Variants in DUSP14 observed in about 807,000 individuals in gnomAD.
DUSP14 encodes dual specificity phosphatase 14.
DUSP14 carries 5 observed loss-of-function variants against 13.2 expected under a neutral mutation model. The observed-to-expected ratio is 0.38, with a 90% CI of 0.20 to 0.80. DUSP14 has a LOEUF of 0.80. DUSP14 is among the 30% of genes least tolerant of loss of function. The pLI is 0.44. For synonymous variants in DUSP14, 91 were observed against 103.4 expected (o/e 0.88, Z 0.73); for missense variants, 185 against 264.0 (o/e 0.70, Z 2.07).
chr17:37,491,663 T>C (rs2054029451), intron 1 of DUSP14: 1 of 152,226 alleles, frequency 6.6e-6, no homozygotes, highest in Non-Finnish European at 1.5e-5. Context: ...TAGAATGGCA[T>C]AAATGTATAT....
chr17:37,499,402 T>G (rs1201068464), intron 1 of DUSP14, among the ~76,000 whole-genome samples: 1 of 152,172 alleles, frequency 6.6e-6, no homozygotes, highest in Non-Finnish European at 1.5e-5. Context: ...TACAGTGGCA[T>G]GATCCTGGCT....
intron 1 of DUSP14, among the ~76,000 whole-genome samples, chr17:37,501,341 C>T (rs758099986): frequency 1.3e-5 from 2 of 152,158 alleles, no homozygotes; most frequent in Non-Finnish European, 2.9e-5. Flanking sequence ...TCTTGTTAAC[C>T]TGCTGGAGCC....
intron 1 of DUSP14, among the ~76,000 whole-genome samples, chr17:37,509,137 A>ATATATAATG (rs1568204463): frequency 1.1e-4 from 5 of 46,408 alleles, no homozygotes; most frequent in African/African-American, 1.1e-4. Flanking sequence ...ATACACACAC[A>ATATATAATG]CACACACACA....
chr17:37,503,888 G>T (rs1046883810), intron 1 of DUSP14, among the ~76,000 whole-genome samples: 2 of 152,072 alleles, frequency 1.3e-5, no homozygotes, highest in Non-Finnish European at 2.9e-5. Flanking sequence ...CCAGCAGCTG[G>T]CTAGTATCTT....
intron 2 of DUSP14, among the ~76,000 whole-genome samples, chr17:37,511,656 C>G (rs1201326575): frequency 4.3e-5 from 6 of 140,776 alleles, no homozygotes; most frequent in Non-Finnish European, 3.0e-5. Context: ...GGTGCAATCA[C>G]AGCTCACTGC....
chr17:37,502,966 G>A (rs548025687), intron 1 of DUSP14, among the ~76,000 whole-genome samples: 6 of 152,288 alleles, frequency 3.9e-5, no homozygotes, highest in African/African-American at 1.4e-4. Flanking sequence ...GAACTCCTGA[G>A]CTGAAGCGGT....
chr17:37,506,082 G>A (rs1378588355), intron 1 of DUSP14, among the ~76,000 whole-genome samples: 84 of 151,992 alleles, frequency 5.5e-4, no homozygotes, highest in Admixed American at 5.4e-3. Flanking sequence ...GAGCAACATG[G>A]CAAAACTCTG....
At chr17:37,498,817 A>G (rs969493863) in intron 1 of DUSP14, among the ~76,000 whole-genome samples, 1 of 152,136 alleles carries the variant, frequency 6.6e-6, no homozygotes, top group Non-Finnish European at 1.5e-5. Context: ...GGTACTTACT[A>G]GAAATGTGAA....
At chr17:37,490,629 T>C (rs2054021315) in intron 1 of DUSP14, among the ~76,000 whole-genome samples, 1 of 152,188 alleles carries the variant, frequency 6.6e-6, no homozygotes, top group African/African-American at 2.4e-5. Context: ...CCAGCCAGTG[T>C]TATGGTAACT....
intron 1 of DUSP14, among the ~76,000 whole-genome samples, chr17:37,499,493 C>T (rs1458575070): frequency 5.9e-5 from 9 of 152,056 alleles, no homozygotes; most frequent in Admixed American, 3.9e-4. Flanking sequence ...GTGTGAGCCA[C>T]CACACCCGAC....
Position 37,512,462 on chromosome 17 carries a change from C to A in DUSP14, c.190C>A (p.Pro64Thr). 6.2e-7 allele frequency: 1 copy of A among 1,614,184 alleles called. No individual in the cohort carries two copies. Among genetic ancestry groups the A allele is most frequent in the Admixed American group, 1.7e-5 (1 of 60,018 alleles). ...CATTGTTAATGCTACCATTGAGATC[C>A]CTAATTTCAACTGGCCCCAATTTGA... is the stretch of plus-strand genomic sequence containing the variant. ...TCIVNATIEI[P>T]NFNWPQFEYV... The change falls in exon 3 of 3, where the codon CCT (proline) becomes ACT (threonine). Residue 64 changes from proline to threonine, a missense_variant. Pro to Thr is a conservative substitution (Grantham distance 38). Transcript: ENST00000617516. The surrounding 1 kb of genome is among the most constrained non-coding windows in gnomAD (Gnocchi z 4.8).
At chr17:37,493,232 G>A (rs1359118000) in intron 1 of DUSP14, among the ~76,000 whole-genome samples, 2 of 152,052 alleles carry the variant, frequency 1.3e-5, no homozygotes, top group Non-Finnish European at 2.9e-5. Context: ...CAAAGTGCTG[G>A]GATTACAGGT....
Position 37,512,518 on chromosome 17 carries a change from G to T in DUSP14, c.246G>T (p.Pro82=). 1 of 1,614,132 alleles carries T rather than the reference G, an allele frequency of 6.2e-7. No individual in the cohort carries two copies. Among genetic ancestry groups the T allele is most frequent in the Non-Finnish European group, 8.5e-7 (1 of 1,180,030 alleles). Residue 82 remains proline (P), a synonymous_variant, in exon 3 of 3, where the codon CCG becomes CCT. Coordinates refer to ENST00000617516, the MANE Select transcript of DUSP14 (RefSeq NM_007026.4). The surrounding 1 kb of genome is among the most constrained non-coding windows in gnomAD (Gnocchi z 4.8). ...TTAAAGTGCCTCTGGCTGACATGCC[G>T]CATGCCCCCATTGGACTGTACTTTG... ...EYVKVPLADM[P]HAPIGLYFDT... is the part of the protein sequence containing the mutation.
intron 1 of DUSP14, among the ~76,000 whole-genome samples, chr17:37,504,770 A>G (rs566120235): frequency 1.0e-3 from 156 of 152,206 alleles, no homozygotes; most frequent in African/African-American, 3.6e-3. Context: ...TTGCAGAGAC[A>G]GGGTCTCATT....
chr17:37,494,154 C>T (rs954106436), intron 1 of DUSP14, among the ~76,000 whole-genome samples: 6 of 151,962 alleles, frequency 3.9e-5, no homozygotes, highest in African/African-American at 7.3e-5. Flanking sequence ...TCACCATGCC[C>T]GGCTAATTTT....
chr17:37,507,822 C>T (rs140291225), intron 1 of DUSP14, among the ~76,000 whole-genome samples: 11 of 152,218 alleles, frequency 7.2e-5, no homozygotes, highest in East Asian at 1.9e-4. Flanking sequence ...CAATGAGGAG[C>T]GTCATCCCCA....
chr17:37,511,938 C>CTTTTT (rs58893696), intron 2 of DUSP14, among the ~76,000 whole-genome samples: 4,652 of 38,032 alleles, frequency 0.12, 815 homozygotes, highest in East Asian at 0.5. Context: ...CCCCACCCCA[C>CTTTTT]TTTTTTTTTT....
At chr17:37,503,234 G>T (rs1229825505) in intron 1 of DUSP14, among the ~76,000 whole-genome samples, 1 of 152,180 alleles carries the variant, frequency 6.6e-6, no homozygotes, top group African/African-American at 2.4e-5. Context: ...AGACCAGCGT[G>T]GGCAACATGG....
At chr17:37,498,777 T>C (rs932433344) in intron 1 of DUSP14, among the ~76,000 whole-genome samples, 3 of 152,230 alleles carry the variant, frequency 2.0e-5, no homozygotes, top group African/African-American at 7.2e-5. Context: ...CAGATTACTC[T>C]TAATAATATT....
Sources: gnomAD v4.1 joint callset for allele counts (sites outside exome capture counted in the v4.1 genomes callset) on GRCh38, gnomAD v4.1.1 for gene constraint, Gnocchi (gnomAD v3.1) non-coding constraint, MANE v1.5 for transcripts, NCBI Gene and HGNC (gene_info 2026-07-23, HGNC 2026-07-21) for gene names.